The following GPHN variants were observed in gnomAD, a reference collection of about 807,000 sequenced individuals.
GPHN encodes gephyrin.
Under a neutral mutation model 95.5 loss-of-function variants are expected in GPHN, and 17 were observed. The ratio of observed to expected loss-of-function variants is 0.18; its 90% confidence interval spans 0.12 to 0.27. The LOEUF (loss-of-function observed/expected upper bound fraction) is 0.27. Among genes scored for constraint, GPHN ranks in the 10% least tolerant of loss-of-function variants. GPHN has a pLI of 1.00. For missense variants in GPHN, 660 were observed against 978.1 expected, an observed-to-expected ratio of 0.67 and a Z score of 4.34; for synonymous variants, 320 against 322.5, an observed-to-expected ratio of 0.99 and a Z score of 0.08.
intron 9 of GPHN, among the ~76,000 whole-genome samples, chr14:67,010,582 A>G (rs1315607342): frequency 1.3e-5 from 2 of 151,704 alleles, no homozygotes; most frequent in African/African-American, 2.4e-5. Flanking sequence ...AAGAAAAAAA[A>G]GAATAAAGAA....
chr14:67,052,558 G>T (rs1407278377), intron 10 of GPHN, among the ~76,000 whole-genome samples: 1 of 139,990 alleles, frequency 7.1e-6, no homozygotes, highest in African/African-American at 3.1e-5. Flanking sequence ...AATTAACAAA[G>T]ATATTCAGGA....
chr14:66,516,194 T>G (rs2139745869), intron 1 of GPHN, among the ~76,000 whole-genome samples: 1 of 151,480 alleles, frequency 6.6e-6, no homozygotes, highest in Non-Finnish European at 1.5e-5. Context: ...TTTTTTGTAT[T>G]TTTAGTAGAG....
chr14:67,578,764 C>T, the GPHN span: 1 of 689,230 alleles, frequency 1.5e-6, no homozygotes, highest in South Asian at 1.6e-5. The surrounding 1 kb of genome is among the most constrained non-coding windows in gnomAD (Gnocchi z 5.0). Context: ...GTGGAGACTT[C>T]ACCCATTGCC....
chr14:66,770,911 G>C (rs1044475561), intron 2 of GPHN, among the ~76,000 whole-genome samples: 3 of 152,102 alleles, frequency 2.0e-5, no homozygotes, highest in Non-Finnish European at 4.4e-5. Flanking sequence ...AGTATGTAGA[G>C]AGTTTAGTAC....
At chr14:66,578,745 T>G (rs1408949568) in intron 1 of GPHN, among the ~76,000 whole-genome samples, 1 of 124,688 alleles carries the variant, frequency 8.0e-6, no homozygotes, top group Admixed American at 8.3e-5. Context: ...CCCTCAGAAA[T>G]GAAGGAGAGA....
intron 3 of GPHN, among the ~76,000 whole-genome samples, chr14:66,803,151 A>G (rs1008786000): frequency 3.9e-5 from 6 of 152,078 alleles, no homozygotes; most frequent in Non-Finnish European, 7.3e-5. Context: ...CAGTTCCCCT[A>G]TGGCTAGGGA....
chr14:66,847,476 T>C (rs2062384638), intron 4 of GPHN, among the ~76,000 whole-genome samples: 1 of 152,044 alleles, frequency 6.6e-6, no homozygotes, highest in African/African-American at 2.4e-5. Context: ...GGAAGCTGAA[T>C]TTAAAATAGA....
chr14:67,211,818 C>T, the GPHN span, among the ~76,000 whole-genome samples: 10 of 151,770 alleles, frequency 6.6e-5, no homozygotes, highest in African/African-American at 9.7e-5. Flanking sequence ...CACTCCAGCC[C>T]GGGTGATGGA....
intron 22 of GPHN, 90 bp from the exon 23 acceptor site, chr14:67,180,712 TTC>T: frequency 7.9e-7 from 1 of 1,261,570 alleles, no homozygotes; most frequent in Non-Finnish European, 1.1e-6. Context: ...AGACCCGCAT[TTC>T]TGTCTGTTTA....
At chr14:67,519,708 AAGTTTGT>A in the GPHN span, among the ~76,000 whole-genome samples, 2 of 133,340 alleles carry the variant, frequency 1.5e-5, no homozygotes, top group South Asian at 5.2e-4. Context: ...GTGGCCCTGT[AAGTTTGT>A]TTTTTTTTTT....
At chr14:66,617,447 T>G (rs1248302861) in intron 1 of GPHN, among the ~76,000 whole-genome samples, 1 of 152,188 alleles carries the variant, frequency 6.6e-6, no homozygotes, top group African/African-American at 2.4e-5. Flanking sequence ...CTCCCTTGGC[T>G]ATGGGGAGGG....
At chr14:67,199,907 C>A in the GPHN span, 5 of 1,477,776 alleles carry the variant, frequency 3.4e-6, no homozygotes, top group Non-Finnish European at 4.5e-6. Flanking sequence ...ACCCCAGGGG[C>A]AGGACATCCT....
rs569382154 is a variant in GPHN at position 66,933,256 on chromosome 14, T to C, written c.828+8964T>C. Among the ~76,000 whole-genome samples, 5 of 152,334 alleles carry C rather than the reference T, an allele frequency of 3.3e-5. No individual in the cohort carries two copies. The South Asian group carries it at 1.0e-3, about 32-fold the overall frequency. ...AACAGAAAATAATGAAAAGAAGGCC[T>C]TGATGCTTCTGAAGAAGTTATGTTA... On this transcript the variant is annotated intron_variant, in intron 8 of 22. Coordinates refer to ENST00000478722, the MANE Select transcript of GPHN (RefSeq NM_020806.5).
intron 1 of GPHN, among the ~76,000 whole-genome samples, chr14:66,534,853 ATT>A (rs2059080462): frequency 6.6e-6 from 1 of 152,016 alleles, no homozygotes; most frequent in African/African-American, 2.4e-5. Flanking sequence ...TGTCTTATGG[ATT>A]TATAGGAATT....
intron 3 of GPHN, among the ~76,000 whole-genome samples, chr14:66,801,497 C>A (rs1292381604): frequency 6.6e-6 from 1 of 152,058 alleles, no homozygotes; most frequent in East Asian, 1.9e-4. Context: ...ATCAAGCAGG[C>A]TATTGTTGTC....
chr14:67,438,735 C>T, the GPHN span, among the ~76,000 whole-genome samples: 3 of 152,162 alleles, frequency 2.0e-5, no homozygotes, highest in African/African-American at 7.2e-5. Context: ...GTAGCATACA[C>T]CTGTAATCTC....
chr14:67,499,697 T>C, the GPHN span, among the ~76,000 whole-genome samples: 2 of 152,084 alleles, frequency 1.3e-5, no homozygotes, highest in African/African-American at 4.8e-5. Context: ...GAAGTGATGA[T>C]CCCAGAAGAC....
the GPHN span, among the ~76,000 whole-genome samples, chr14:67,679,797 A>G: frequency 6.6e-6 from 1 of 152,326 alleles, no homozygotes; most frequent in South Asian, 2.1e-4. Context: ...GATCTGGTAT[A>G]CATCTGGTAA....
the GPHN span, among the ~76,000 whole-genome samples, chr14:67,368,221 G>A: frequency 6.6e-6 from 1 of 152,224 alleles, no homozygotes; most frequent in South Asian, 2.1e-4. Flanking sequence ...ACGGCTTGCA[G>A]TTGGCTAGTT....
Sources: gnomAD v4.1 joint callset for allele counts (sites outside exome capture counted in the v4.1 genomes callset) on GRCh38, gnomAD v4.1.1 for gene constraint, Gnocchi (gnomAD v3.1) non-coding constraint, MANE v1.5 for transcripts, NCBI Gene and HGNC (gene_info 2026-07-23, HGNC 2026-07-21) for gene names.